CCDC30: variants seen among roughly 807,000 people sequenced by gnomAD.
CCDC30 encodes the protein coiled-coil domain containing 30, also known as coiled-coil domain-containing protein 30.
Under a neutral mutation model 100.2 loss-of-function variants are expected in CCDC30, and 70 were observed. The observed-to-expected ratio is 0.70, with a 90% confidence interval of 0.58 to 0.85. The LOEUF (loss-of-function observed/expected upper bound fraction) is 0.85, where lower values mean the gene tolerates loss of function less well. Among genes scored for constraint, CCDC30 ranks in the 40% least tolerant of loss-of-function variants. The pLI is 0.00. For missense variants in CCDC30, 652 were observed against 771.2 expected, an observed-to-expected ratio of 0.85 and a Z score of 1.83; for synonymous variants, 233 against 269.5, an observed-to-expected ratio of 0.86 and a Z score of 1.33.
intron 6 of CCDC30, among the ~76,000 whole-genome samples, chr1:42,559,126 A>AAG (rs1395924719): frequency 6.6e-6 from 1 of 152,196 alleles, no homozygotes. Context: ...CCTGCGCTGC[A>AAG]AGAGCTCCTG....
Position 42,494,043 on chromosome 1 carries a change from AT to A in CCDC30, c.242-3054del, listed in dbSNP as rs1480858332. 2.0e-5 allele frequency among the ~76,000 whole-genome samples: 3 copies of A among 152,326 alleles called. No homozygotes were observed. In the East Asian group the frequency reaches 5.8e-4, roughly 29 times the overall value. On this transcript the variant is annotated intron_variant, in intron 4 of 16. Transcript: ENST00000668663. ...AGCCTGGTGAGCATGGCGAAACCCC[AT>A]CTCTACTAAAAATACAAAAAAAGAA...
chr1:42,656,065 C>G (rs557900959), downstream of CCDC30, among the ~76,000 whole-genome samples: 45 of 151,856 alleles, frequency 3.0e-4, no homozygotes, highest in African/African-American at 9.7e-4. Context: ...AGGTCTCACT[C>G]TCACTCTATT....
chr1:42,580,911 C>T (rs992584444), intron 8 of CCDC30: 4 of 454,574 alleles, frequency 8.8e-6, no homozygotes, highest in African/African-American at 6.0e-5. Flanking sequence ...TGGTCTAATA[C>T]CTGTGGAGGC....
intron 7 of CCDC30, among the ~76,000 whole-genome samples, chr1:42,574,989 A>C (rs1359143236): frequency 1.3e-5 from 2 of 152,220 alleles, no homozygotes. Flanking sequence ...CTATGAGGTA[A>C]GTAGTTATTA....
At position 42,566,408 on chromosome 1, in the gene CCDC30, G is replaced by A. The variant is rs759851719; in HGVS notation, c.569G>A (p.Arg190Gln). Residue 190 changes from arginine (R) to glutamine (Q), a missense_variant, in exon 7 of 17, where the codon CGA (arginine) becomes CAA (glutamine). By Grantham distance (43) the Arg-to-Gln change is conservative (BLOSUM62 1). Coordinates refer to ENST00000668663, the Ensembl canonical transcript of CCDC30. Reference sequence around the variant, plus strand: ...TGCAACTCAGCTGAAAATGAGCTTCGATATGAACGAGGGCAGAACTTGGAC... The same window carrying A: ...TGCAACTCAGCTGAAAATGAGCTTCAATATGAACGAGGGCAGAACTTGGAC... 1.7e-5 allele frequency: 28 copies of A among 1,613,956 alleles called. No homozygotes were observed. In the East Asian group the frequency reaches 5.4e-4, roughly 31 times the overall value.
At chr1:42,467,684 C>T (rs1291254365) in intron 1 of CCDC30, 1 of 152,252 alleles carries the variant, frequency 6.6e-6, no homozygotes, top group African/African-American at 2.4e-5. Context: ...TTGGATCTGT[C>T]TGCCAAATCT....
chr1:42,469,940 C>G (rs557798573), intron 1 of CCDC30, among the ~76,000 whole-genome samples: 1 of 152,272 alleles, frequency 6.6e-6, no homozygotes, highest in African/African-American at 2.4e-5. Context: ...AGAAGCTTGG[C>G]TCAGACCAGA....
chr1:42,463,270 T>G (rs1643461282), upstream of CCDC30: 1 of 152,278 alleles, frequency 6.6e-6, no homozygotes, highest in African/African-American at 2.4e-5. Flanking sequence ...TCTGCGTCTC[T>G]GCGGCGAGCG....
rs1485638291 is a variant in CCDC30, at chr1:42,530,804, A to G, written c.456+31888A>G. 2.6e-5 allele frequency among the ~76,000 whole-genome samples: 4 copies of G among 152,172 alleles called. No individual in the cohort carries two copies. The East Asian group carries it at 7.7e-4, about 29-fold the overall frequency. On this transcript the variant is annotated intron_variant, in intron 6 of 16. Transcript: ENST00000668663. ...TCTTATATGAGGGACTTGAGCATCC[A>G]TGGATTTTGGTATCTTCAGTGATCT...
At chr1:42,560,655 A>G (rs1335588605) in intron 6 of CCDC30, among the ~76,000 whole-genome samples, 1 of 152,162 alleles carries the variant, frequency 6.6e-6, no homozygotes, top group East Asian at 1.9e-4. Context: ...GGTGTGAGCC[A>G]CTGCACCCGG....
At chr1:42,510,236 T>A in intron 6 of CCDC30, 1 of 540,352 alleles carries the variant, frequency 1.9e-6, no homozygotes, top group Non-Finnish European at 2.4e-6. Flanking sequence ...CCTTTTGACC[T>A]ACCATAGGAG....
intron 11 of CCDC30, among the ~76,000 whole-genome samples, chr1:42,613,544 G>C (rs749820244): frequency 3.3e-5 from 5 of 152,142 alleles, no homozygotes; most frequent in Non-Finnish European, 7.3e-5. Flanking sequence ...GTGAGCCACC[G>C]TGCCCGGCCT....
In CCDC30 at chr1:42,596,724, C is replaced by T. The variant is rs531629276; in HGVS notation, c.1164+7241C>T. On this transcript the variant is annotated intron_variant, in intron 10 of 16. Transcript: ENST00000668663. The surrounding 1 kb of genome is among the most constrained non-coding windows in gnomAD (Gnocchi z 4.3). The stretch of plus-strand genomic sequence containing the variant: ...GCTATCAAGAAAAAATTACAAGACA[C>T]GCTAAAAGGCAAAAAAACAAACAAA... 2.4e-4 allele frequency among the ~76,000 whole-genome samples: 35 copies of T among 143,110 alleles called. No homozygotes were observed. In the South Asian group the frequency reaches 5.4e-3, roughly 22 times the overall value. The allele number at this position is 143,110 out of a possible 152,430, so 93.9% of individuals were successfully genotyped here. A position where few individuals can be genotyped will look rare whatever the true frequency, so the allele number is the denominator to read the frequency against.
intron 3 of CCDC30, among the ~76,000 whole-genome samples, chr1:42,483,573 T>G (rs1485736402): frequency 2.0e-5 from 3 of 152,192 alleles, no homozygotes; most frequent in African/African-American, 7.2e-5. Flanking sequence ...ATAGTGGTAT[T>G]TAAGTGTGGC....
At chr1:42,656,821 G>C (rs972949145), downstream of CCDC30, among the ~76,000 whole-genome samples, 1 of 152,142 alleles carries the variant, frequency 6.6e-6, no homozygotes, top group Non-Finnish European at 1.5e-5. Context: ...TATTTAGCAC[G>C]TAGTAACTGC....
chr1:42,489,338 C>T lies in CCDC30; in HGVS notation c.170-820C>T, dbSNP rs181918772. Among the ~76,000 whole-genome samples, 166 of 152,270 alleles carry T rather than the reference C, an allele frequency of 1.1e-3. 1 individual carries two copies. Among genetic ancestry groups the T allele is most frequent in the African/African-American group, 3.9e-3 (162 of 41,542 alleles). ...GTTATGATGGTACATATATCTGGCA[C>T]TGGTAGTTACTGCTATGGTAACAGC... On this transcript the variant is annotated intron_variant, in intron 3 of 16. Transcript: ENST00000668663.
intron 4 of CCDC30, among the ~76,000 whole-genome samples, chr1:42,495,122 A>G (rs1644210896): frequency 6.7e-6 from 1 of 149,718 alleles, no homozygotes; most frequent in Non-Finnish European, 1.5e-5. Flanking sequence ...TCCAACAATG[A>G]TAGACTGGAT....
At chr1:42,515,207 C>CAA (rs58531777) in intron 6 of CCDC30, among the ~76,000 whole-genome samples, 28,437 of 136,448 alleles carry the variant, frequency 0.21, 3,050 homozygotes, top group South Asian at 0.4. Context: ...AGCTGCAAGC[C>CAA]AAAAAAAAAA....
At chr1:42,640,035 G>C (rs1172450084) in intron 12 of CCDC30, among the ~76,000 whole-genome samples, 2 of 151,794 alleles carry the variant, frequency 1.3e-5, no homozygotes, top group Non-Finnish European at 2.9e-5. Flanking sequence ...AGAAATTGTT[G>C]ACAGAATTAG....
Sources: gnomAD v4.1 joint callset for allele counts (sites outside exome capture counted in the v4.1 genomes callset) on GRCh38, gnomAD v4.1.1 for gene constraint, Gnocchi (gnomAD v3.1) non-coding constraint, MANE v1.5 for transcripts, NCBI Gene and HGNC (gene_info 2026-07-23, HGNC 2026-07-21) for gene names.